Variants in TF observed in about 807,000 individuals in gnomAD.
TF encodes the protein transferrin.
Under a neutral mutation model 82.4 loss-of-function variants are expected in TF, and 55 were observed. That is an observed-to-expected ratio of 0.67 (90% CI 0.54 to 0.84). The LOEUF is 0.84. Ranked by LOEUF, TF falls within the 40% of genes least tolerant of loss-of-function variation. TF has a pLI of 0.00. For synonymous variants in TF, 332 were observed against 332.6 expected (o/e 1.00, Z 0.02); for missense variants, 737 against 868.4 (o/e 0.85, Z 1.90).
At position 133,767,989 on chromosome 3, in the gene TF, G is replaced by A. The variant is rs372528696; in HGVS notation, c.1487-40G>A. On this transcript the variant is annotated intron_variant, in intron 12 of 16. Transcript: ENST00000402696. Reference sequence around the variant, plus strand: ...CTCTTAAATAAAAGCTGCTTGCATTGACTCAGGAAAAGCTGACTTCCTCTT... The same window carrying A: ...CTCTTAAATAAAAGCTGCTTGCATTAACTCAGGAAAAGCTGACTTCCTCTT... 2.5e-6 allele frequency: 4 copies of A among 1,613,542 alleles called. No homozygotes were observed. In the African/African-American group the frequency reaches 5.3e-5, roughly 22 times the overall value.
At chr3:133,700,393 C>T in the TF span, among the ~76,000 whole-genome samples, 4 of 152,272 alleles carry the variant, frequency 2.6e-5, no homozygotes, top group African/African-American at 9.6e-5. Flanking sequence ...AGGCAAAGAG[C>T]CCTTTGGTTT....
the TF span, among the ~76,000 whole-genome samples, chr3:133,710,545 G>A: frequency 6.6e-6 from 1 of 152,062 alleles, no homozygotes. Flanking sequence ...ACCTGCACCT[G>A]CAGGAGACAA....
At chr3:133,751,483 G>A (rs763578601) in intron 2 of TF, among the ~76,000 whole-genome samples, 1 of 151,844 alleles carries the variant, frequency 6.6e-6, no homozygotes, top group Non-Finnish European at 1.5e-5. Flanking sequence ...CGCCCGTCTC[G>A]GCCTCCCAAA....
the TF span, among the ~76,000 whole-genome samples, chr3:133,739,098 A>G: frequency 6.6e-6 from 1 of 152,222 alleles, no homozygotes; most frequent in Non-Finnish European, 1.5e-5. Context: ...ACAGCAGGGC[A>G]CTGGTACCAA....
chr3:133,766,409 A>C lies in TF; in HGVS notation c.1462A>C (p.Asn488His). 1 of 1,614,186 alleles carries C rather than the reference A, an allele frequency of 6.2e-7. No homozygotes were observed. The highest frequency in any genetic ancestry group is 8.5e-7 in the Non-Finnish European group (1 of 1,180,024). Reference protein sequence around the residue: ...GWNIPMGLLYNKINHCRFDEF... With the variant: ...GWNIPMGLLYHKINHCRFDEF... ...GAACATCCCCATGGGCCTGCTCTAC[A>C]ATAAGATCAACCACTGCAGATTTGG... is the stretch of plus-strand genomic sequence containing the variant. The change falls in exon 12 of 17, where the codon AAT becomes CAT. Residue 488 changes from asparagine to histidine, a missense_variant. Coordinates refer to ENST00000402696, the MANE Select transcript of TF (RefSeq NM_001063.4).
chr3:133,778,524 G>A (rs1000815021), intron 16 of TF, 62 bp from the exon 17 acceptor site: 24 of 1,571,412 alleles, frequency 1.5e-5, no homozygotes, highest in Middle Eastern at 1.7e-4. Context: ...TCAATCACTC[G>A]ACAGTTCAGA....
rs143440081 is a variant in TF at position 133,753,700 on chromosome 3, G to A, written c.322G>A (p.Glu108Lys). 6.2e-7 allele frequency: 1 copy of A among 1,613,518 alleles called. No individual in the cohort carries two copies. The highest frequency in any genetic ancestry group is 8.5e-7 in the Non-Finnish European group (1 of 1,179,392). Residue 108 changes from glutamate (E) to lysine (K), a missense_variant, in exon 3 of 17, where the codon GAG becomes AAG. Coordinates refer to ENST00000402696, the MANE Select transcript of TF (RefSeq NM_001063.4). ...GGTGGCAGAGTTCTATGGGTCAAAA[G>A]AGGGTAAGTTCTCCCTGGGACCCCA... ...PVVAEFYGSK[E>K]DPQTFYYAVA...
the TF span, among the ~76,000 whole-genome samples, chr3:133,673,438 C>T: frequency 6.6e-6 from 1 of 152,184 alleles, no homozygotes; most frequent in African/African-American, 2.4e-5. Flanking sequence ...CACAGCAGCA[C>T]TATCCTTAAG....
chr3:133,733,177 C>A, the TF span, among the ~76,000 whole-genome samples: 1 of 152,302 alleles, frequency 6.6e-6, no homozygotes, highest in East Asian at 1.9e-4. Context: ...TTATTTGACA[C>A]CTGTTGTCCC....
At position 133,792,403 on chromosome 3, in the gene TF, T is replaced by A. The variant is rs1360850892; in HGVS notation, c.*13783T>A. On this transcript the variant is annotated 3_prime_UTR_variant, in exon 17 of 17. Coordinates refer to ENST00000402696, the MANE Select transcript of TF (RefSeq NM_001063.4). ...ACAATTTAACGGTGATTAGACCTCC[T>A]AAATGCTTCATAAAATGCCACTATG... 6.6e-6 allele frequency: 1 copy of A among 152,230 alleles called. No homozygotes were observed. The highest frequency in any genetic ancestry group is 2.4e-5 in the African/African-American group (1 of 41,454). 9.4% of individuals were successfully genotyped at this position (152,230 alleles called of 1,614,324 possible).
At position 133,757,721 on chromosome 3, in the gene TF, C is replaced by T. The variant is rs8177323; in HGVS notation, c.871-48C>T. ...TTTCTCTTCAGTCCCATTTCTCAGC[C>T]TCCTTTCTTCTGTGTTGCCATCCAC... On this transcript the variant is annotated intron_variant, in intron 7 of 16. Coordinates refer to ENST00000402696, the MANE Select transcript of TF (RefSeq NM_001063.4). 5.9e-3 allele frequency: 9,142 copies of T among 1,551,074 alleles called. 50 individuals are homozygous for T. Among genetic ancestry groups the T allele is most frequent in the Non-Finnish European group, 7.4e-3 (8,296 of 1,122,920 alleles).
intron 7 of TF, 105 bp downstream of exon 7, chr3:133,757,114 T>A: frequency 4.1e-6 from 6 of 1,459,092 alleles, no homozygotes; most frequent in Non-Finnish European, 5.7e-6. Context: ...GTGTTCAGGA[T>A]ACAGTGGGAG....
the TF span, among the ~76,000 whole-genome samples, chr3:133,740,206 C>T: frequency 6.6e-6 from 1 of 152,040 alleles, no homozygotes; most frequent in Admixed American, 6.6e-5. Context: ...AGGTGAAAAC[C>T]ATCATTCTCA....
chr3:133,764,672 G>A (rs1034941156), intron 10 of TF, among the ~76,000 whole-genome samples: 1 of 152,156 alleles, frequency 6.6e-6, no homozygotes, highest in African/African-American at 2.4e-5. Context: ...CTTGACATTC[G>A]CAGTTTGTGG....
chr3:133,753,050 C>A (rs1933719920), intron 2 of TF, among the ~76,000 whole-genome samples: 1 of 152,034 alleles, frequency 6.6e-6, no homozygotes, highest in East Asian at 1.9e-4. Context: ...AGGTTCCCAT[C>A]TTCCCCCAGA....
rs781459777 is a variant in TF at position 133,755,357 on chromosome 3, G to C, written c.503-6G>C. On this transcript the variant is annotated splice_polypyrimidine_tract_variant and splice_region_variant and intron_variant, in intron 4 of 16. Transcript: ENST00000402696. Reference sequence around the variant, plus strand: ...GCTCTGTTGTCCATTTCTCTGTGCTGAGCAGCAGTGGCCAATTTCTTCTCG... The same window carrying C: ...GCTCTGTTGTCCATTTCTCTGTGCTCAGCAGCAGTGGCCAATTTCTTCTCG... 1 of 1,614,214 alleles carries C rather than the reference G, an allele frequency of 6.2e-7. No homozygotes were observed. Among genetic ancestry groups the C allele is most frequent in the Non-Finnish European group, 8.5e-7 (1 of 1,180,052 alleles).
intron 14 of TF, among the ~76,000 whole-genome samples, chr3:133,772,359 TCTCTTA>T (rs1934280911): frequency 6.6e-6 from 1 of 152,182 alleles, no homozygotes; most frequent in Admixed American, 6.5e-5. Context: ...AAGCTTTGAC[TCTCTTA>T]CTCTTTGCAA....
chr3:133,769,270 C>T (rs1934202192), intron 13 of TF, among the ~76,000 whole-genome samples: 2 of 152,182 alleles, frequency 1.3e-5, no homozygotes, highest in Admixed American at 1.3e-4. Context: ...AGATTAAGTA[C>T]AATTCACATT....
At position 133,770,591 on chromosome 3, in the gene TF, C is replaced by G. The variant is rs760601541; in HGVS notation, c.1687+19C>G. On this transcript the variant is annotated intron_variant, in intron 14 of 16. Transcript: ENST00000402696. ...ACTGGGGGTAAGTGCACCTGCTCCT[C>G]TGTCCCCCTAGATCACTAGATCCTG... 1.2e-6 allele frequency: 2 copies of G among 1,613,786 alleles called. No homozygotes were observed. The highest frequency in any genetic ancestry group is 1.7e-6 in the Non-Finnish European group (2 of 1,179,642).
Sources: gnomAD v4.1 joint callset for allele counts (sites outside exome capture counted in the v4.1 genomes callset) on GRCh38, gnomAD v4.1.1 for gene constraint, MANE v1.5 for transcripts, NCBI Gene and HGNC (gene_info 2026-07-23, HGNC 2026-07-21) for gene names.